The following SLC1A3 variants were observed in gnomAD, a reference collection of about 807,000 sequenced individuals.
SLC1A3 encodes the protein excitatory amino acid transporter 1.
A neutral mutation model predicts 48.1 loss-of-function variants in SLC1A3; 21 were observed. That is an observed-to-expected ratio of 0.44 (90% CI 0.31 to 0.63). The LOEUF (loss-of-function observed/expected upper bound fraction) is 0.63, where lower values mean the gene tolerates loss of function less well. Ranked by LOEUF, SLC1A3 falls within the 20% of genes least tolerant of loss-of-function variation. The pLI is 0.08. For synonymous variants in SLC1A3, 239 were observed against 251.4 expected (o/e 0.95, Z 0.47); for missense variants, 546 against 689.0 (o/e 0.79, Z 2.32).
chr5:36,631,051 C>T (rs1053734301), intron 3 of SLC1A3, among the ~76,000 whole-genome samples: 4 of 152,196 alleles, frequency 2.6e-5, no homozygotes, highest in Admixed American at 2.6e-4. Context: ...ACTTGTAAGA[C>T]AGAACCCACA....
Position 36,606,631 on chromosome 5 carries a change from A to T in SLC1A3, c.-200A>T, listed in dbSNP as rs900741979. On this transcript the variant is annotated 5_prime_UTR_variant, in exon 1 of 10. Coordinates refer to ENST00000265113, the MANE Select transcript of SLC1A3 (RefSeq NM_004172.5). ...AGAGCACATGCACACTGTCAGGGCT[A>T]GCCTGCCTGCTTACGCGCGCTGCGG... 1 of 152,322 alleles carries T rather than the reference A, an allele frequency of 6.6e-6. No individual in the cohort carries two copies. The highest frequency in any genetic ancestry group is 1.5e-5 in the Non-Finnish European group (1 of 68,124). 9.4% of individuals were successfully genotyped at this position (152,322 alleles called of 1,614,324 possible).
At chr5:36,600,854 C>A (rs752462228) in intron 1 of SLC1A3, among the ~76,000 whole-genome samples, 11 of 152,162 alleles carry the variant, frequency 7.2e-5, no homozygotes, top group Non-Finnish European at 1.5e-4. Context: ...CTAACCTTAC[C>A]CCCAGATTAC....
intron 3 of SLC1A3, among the ~76,000 whole-genome samples, chr5:36,664,956 C>T (rs1262283416): frequency 2.0e-5 from 3 of 152,174 alleles, no homozygotes; most frequent in Non-Finnish European, 4.4e-5. Context: ...TTTCCAGCCT[C>T]CTGGCCTTCC....
chr5:36,670,979 G>T (rs1225827281), intron 3 of SLC1A3, 50 bp from the exon 4 acceptor site: 2 of 1,511,704 alleles, frequency 1.3e-6, no homozygotes, highest in South Asian at 1.1e-5. Flanking sequence ...TTTTCCACTG[G>T]AGAATTCCCT....
At chr5:36,631,146 A>G (rs1002667072) in intron 3 of SLC1A3, among the ~76,000 whole-genome samples, 1 of 152,182 alleles carries the variant, frequency 6.6e-6, no homozygotes, top group Non-Finnish European at 1.5e-5. Context: ...CAGTTTTCCT[A>G]TACACAAACC....
At chr5:36,602,628 C>G (rs140182667), upstream of SLC1A3, among the ~76,000 whole-genome samples, 1 of 152,130 alleles carries the variant, frequency 6.6e-6, no homozygotes, top group African/African-American at 2.4e-5. Flanking sequence ...ATGGAGAAAA[C>G]ATGTTGTTTT....
chr5:36,611,629 G>A (rs1368672246), intron 2 of SLC1A3, among the ~76,000 whole-genome samples: 3 of 152,152 alleles, frequency 2.0e-5, no homozygotes, highest in Non-Finnish European at 4.4e-5. Context: ...AGAGAACACA[G>A]TGCCAAGCTC....
intron 2 of SLC1A3, chr5:36,612,961 C>T (rs922579526): frequency 2.7e-5 from 11 of 404,222 alleles, no homozygotes; most frequent in African/African-American, 1.7e-4. Context: ...ACTGGTGAGA[C>T]TTGGCAATTG....
chr5:36,658,681 G>A (rs1412528677), intron 3 of SLC1A3, among the ~76,000 whole-genome samples: 1 of 152,160 alleles, frequency 6.6e-6, no homozygotes, highest in African/African-American at 2.4e-5. Context: ...GCACCATTGT[G>A]GTGGGACTCA....
chr5:36,679,586 G>A, intron 6 of SLC1A3, 41 bp from the exon 7 acceptor site: 1 of 1,432,344 alleles, frequency 7.0e-7, no homozygotes, highest in East Asian at 2.3e-5. Flanking sequence ...CTAGCTTGGT[G>A]GAAACCAGAC....
chr5:36,596,795 C>G (rs1561228923), intron 1 of SLC1A3, among the ~76,000 whole-genome samples: 1 of 152,224 alleles, frequency 6.6e-6, no homozygotes, highest in East Asian at 1.9e-4. Flanking sequence ...CTAGTCTTGT[C>G]TCTCTGCCTT....
At chr5:36,597,512 G>A (rs1375584171) in intron 1 of SLC1A3, among the ~76,000 whole-genome samples, 1 of 151,898 alleles carries the variant, frequency 6.6e-6, no homozygotes, top group Non-Finnish European at 1.5e-5. Flanking sequence ...AAAGTGCTGG[G>A]ATTACAGGCG....
At chr5:36,664,688 T>C (rs563646621) in intron 3 of SLC1A3, among the ~76,000 whole-genome samples, 6 of 152,312 alleles carry the variant, frequency 3.9e-5, no homozygotes, top group Non-Finnish European at 8.8e-5. Flanking sequence ...ACCTACTAAA[T>C]TGACTTCATG....
At chr5:36,663,533 G>A (rs1030620825) in intron 3 of SLC1A3, among the ~76,000 whole-genome samples, 5 of 151,862 alleles carry the variant, frequency 3.3e-5, no homozygotes, top group African/African-American at 9.7e-5. Flanking sequence ...GAGCCACCGC[G>A]CCCGGCCCTG....
intron 2 of SLC1A3, chr5:36,609,317 A>G: frequency 1.1e-6 from 1 of 880,078 alleles, no homozygotes; most frequent in Non-Finnish European, 1.4e-6. Flanking sequence ...TTTATTACTT[A>G]TGGGTGGCAT....
chr5:36,684,119 A>T, intron 9 of SLC1A3, 121 bp downstream of exon 9: 1 of 1,281,542 alleles, frequency 7.8e-7, no homozygotes, highest in Non-Finnish European at 1.1e-6. Flanking sequence ...CTCTCGGCCC[A>T]TAGTTAAATT....
rs186356616 is a variant in SLC1A3 at position 36,679,536 on chromosome 5, C to T, written c.861-91C>T. On this transcript the variant is annotated intron_variant, in intron 6 of 9. Coordinates refer to ENST00000265113, the MANE Select transcript of SLC1A3 (RefSeq NM_004172.5). ...GGGCAGGAAAGTTTGGCAGTCAACT[C>T]TCTTTTCCCTTTTTCTTATCACTTG... is the stretch of plus-strand genomic sequence containing the variant. 226 of 930,110 alleles carry T rather than the reference C, an allele frequency of 2.4e-4. No individual in the cohort carries two copies. In the Admixed American group the frequency reaches 3.8e-3, roughly 16 times the overall value. 57.6% of individuals were successfully genotyped at this position (930,110 alleles called of 1,614,324 possible).
At chr5:36,674,458 A>G (rs1259538553) in intron 5 of SLC1A3, among the ~76,000 whole-genome samples, 1 of 151,814 alleles carries the variant, frequency 6.6e-6, no homozygotes, top group African/African-American at 2.4e-5. Context: ...AGAAGATTAG[A>G]GAGATTATTT....
intron 6 of SLC1A3, among the ~76,000 whole-genome samples, chr5:36,677,778 C>T (rs1172446354): frequency 6.6e-6 from 1 of 152,172 alleles, no homozygotes; most frequent in Non-Finnish European, 1.5e-5. Context: ...ACCAAAGTGC[C>T]AGAAGAAGGG....
Sources: gnomAD v4.1 joint callset for allele counts (sites outside exome capture counted in the v4.1 genomes callset) on GRCh38, gnomAD v4.1.1 for gene constraint, MANE v1.5 for transcripts, NCBI Gene and HGNC (gene_info 2026-07-23, HGNC 2026-07-21) for gene names.